CCSER1: variants seen among roughly 807,000 people sequenced by gnomAD.
The protein encoded by CCSER1 is serine-rich coiled-coil domain-containing protein 1.
In CCSER1, 41 loss-of-function variants were observed where a neutral mutation model predicts 82.0. That is an observed-to-expected ratio of 0.50 (90% confidence interval 0.39 to 0.65). The LOEUF (loss-of-function observed/expected upper bound fraction) is 0.65. Ranked by LOEUF, CCSER1 falls within the 30% of genes least tolerant of loss-of-function variation. CCSER1 has a pLI of 0.00. For missense variants in CCSER1, 1,119 were observed against 1,064.2 expected (o/e 1.05, Z -0.72); for synonymous variants, 414 against 383.9 (o/e 1.08, Z -0.92).
chr4:90,742,403 C>T (rs528210479), intron 7 of CCSER1, among the ~76,000 whole-genome samples: 35 of 152,194 alleles, frequency 2.3e-4, no homozygotes, highest in African/African-American at 7.9e-4. Flanking sequence ...TCCAATGTGA[C>T]AATATTAGGA....
chr4:90,718,879 TC>T (rs1742159701), intron 6 of CCSER1, among the ~76,000 whole-genome samples: 1 of 152,190 alleles, frequency 6.6e-6, no homozygotes, highest in Non-Finnish European at 1.5e-5. Context: ...ACTGTTATCA[TC>T]CAACCTCAGC....
chr4:90,967,126 T>C (rs1316999726), intron 9 of CCSER1, among the ~76,000 whole-genome samples: 3 of 151,980 alleles, frequency 2.0e-5, no homozygotes, highest in Admixed American at 1.3e-4. Context: ...TTTCAACAAG[T>C]GTGCCAATAC....
chr4:91,300,161 G>A (rs1744555062), intron 10 of CCSER1, among the ~76,000 whole-genome samples: 1 of 151,790 alleles, frequency 6.6e-6, no homozygotes, highest in South Asian at 2.1e-4. Flanking sequence ...TATCAGGGAG[G>A]CCTGTTATAA....
chr4:90,553,882 G>A (rs887189557), intron 5 of CCSER1, among the ~76,000 whole-genome samples: 1 of 152,150 alleles, frequency 6.6e-6, no homozygotes, highest in Non-Finnish European at 1.5e-5. Flanking sequence ...AAAAAAGACT[G>A]TCTCAAGGAG....
At chr4:90,394,277 T>C (rs565186042) in intron 3 of CCSER1, among the ~76,000 whole-genome samples, 2 of 152,168 alleles carry the variant, frequency 1.3e-5, no homozygotes, top group South Asian at 4.1e-4. Context: ...CTATAAGATA[T>C]ATGAGGAGAG....
intron 8 of CCSER1, among the ~76,000 whole-genome samples, chr4:90,874,103 G>T (rs114117084): frequency 6.6e-6 from 1 of 152,002 alleles, no homozygotes; most frequent in Non-Finnish European, 1.5e-5. Context: ...TAAAAAGTTA[G>T]CTAGGTACCC....
At chr4:90,655,902 G>A (rs983110379) in intron 6 of CCSER1, among the ~76,000 whole-genome samples, 6 of 151,868 alleles carry the variant, frequency 4.0e-5, no homozygotes, top group African/African-American at 1.2e-4. Flanking sequence ...GTATAGGAGA[G>A]TAAAAATCCT....
intron 9 of CCSER1, among the ~76,000 whole-genome samples, chr4:90,940,397 C>T (rs1017557247): frequency 4.6e-5 from 7 of 151,386 alleles, no homozygotes; most frequent in African/African-American, 1.7e-4. Context: ...AACATGTTTA[C>T]ATATCAATAA....
Position 90,308,450 on chromosome 4 carries a change from A to C in CCSER1, c.166A>C (p.Thr56Pro), listed in dbSNP as rs1250993482. The C allele has an allele frequency of 6.2e-7, 1 of 1,613,806 alleles. No individual in the cohort carries two copies. The highest frequency in any genetic ancestry group is 8.5e-7 in the Non-Finnish European group (1 of 1,179,850). The part of the protein sequence containing the change: ...PSSTNSSSGS[T>P]GKRRSIFRTP... ...CAGCACTAACTCAAGCTCAGGTAGC[A>C]CAGGTAAACGGAGGAGCATATTCCG... Residue 56 changes from threonine (T) to proline (P), a missense_variant, in exon 2 of 11, where the codon ACA becomes CCA. Transcript: ENST00000509176.
chr4:90,421,795 TAG>T (rs1301477180), intron 4 of CCSER1, among the ~76,000 whole-genome samples: 1 of 151,964 alleles, frequency 6.6e-6, no homozygotes, highest in East Asian at 1.9e-4. Context: ...TAATGACTCT[TAG>T]GGGTTGAACT....
At chr4:91,409,090 C>G (rs998567445) in intron 10 of CCSER1, among the ~76,000 whole-genome samples, 2 of 152,056 alleles carry the variant, frequency 1.3e-5, no homozygotes, top group Non-Finnish European at 2.9e-5. Context: ...ACATGGCATC[C>G]TCTAGATTTC....
chr4:91,465,620 G>A (rs1211569606), intron 10 of CCSER1, among the ~76,000 whole-genome samples: 1 of 151,860 alleles, frequency 6.6e-6, no homozygotes, highest in Non-Finnish European at 1.5e-5. Flanking sequence ...ACTAGTAAAG[G>A]AGAAAAGAGA....
At chr4:90,747,542 A>G (rs1747700086) in intron 7 of CCSER1, among the ~76,000 whole-genome samples, 1 of 152,138 alleles carries the variant, frequency 6.6e-6, no homozygotes, top group Non-Finnish European at 1.5e-5. Context: ...AGTGTTTAGT[A>G]TGCAGAGTTT....
intron 10 of CCSER1, among the ~76,000 whole-genome samples, chr4:91,369,423 T>C (rs1279305005): frequency 6.6e-6 from 1 of 152,212 alleles, no homozygotes; most frequent in African/African-American, 2.4e-5. Context: ...TTCTCATTTT[T>C]GCAATTTGCA....
At chr4:90,658,936 A>G (rs1346215216) in intron 6 of CCSER1, among the ~76,000 whole-genome samples, 1 of 152,120 alleles carries the variant, frequency 6.6e-6, no homozygotes, top group Non-Finnish European at 1.5e-5. Flanking sequence ...TATTAAAGAG[A>G]TCTCAGTGTA....
At chr4:90,879,627 GGAA>G in intron 8 of CCSER1, among the ~76,000 whole-genome samples, 1 of 123,136 alleles carries the variant, frequency 8.1e-6, no homozygotes, top group East Asian at 2.4e-4. Flanking sequence ...AGGAGGAGGA[GGAA>G]AGAAGAAAGA....
At chr4:90,764,391 G>T (rs921016729) in intron 7 of CCSER1, among the ~76,000 whole-genome samples, 3 of 152,058 alleles carry the variant, frequency 2.0e-5, no homozygotes, top group Admixed American at 2.0e-4. Context: ...ATCAATGCTT[G>T]GTCTTTAAAT....
chr4:91,602,287 T>C lies in CCSER1; in HGVS notation c.*3230T>C, dbSNP rs1013093227. Among the ~76,000 whole-genome samples, 1 of 152,056 alleles carries C rather than the reference T, an allele frequency of 6.6e-6. No homozygotes were observed. Among genetic ancestry groups the C allele is most frequent in the Non-Finnish European group, 1.5e-5 (1 of 67,922 alleles). On this transcript the variant is annotated 3_prime_UTR_variant, in exon 11 of 11. Coordinates refer to ENST00000509176, the MANE Select transcript of CCSER1 (RefSeq NM_001145065.2). ...TGTCATTATTTCCTGAATGTTGAAC[T>C]CCCATTATAGGAAATTCCACATTTT...
chr4:90,805,923 A>G (rs1757438421), intron 7 of CCSER1, among the ~76,000 whole-genome samples: 1 of 152,188 alleles, frequency 6.6e-6, no homozygotes, highest in Admixed American at 6.5e-5. Flanking sequence ...ATCCTTAAAA[A>G]TATGTTCTAG....
Sources: allele counts gnomAD v4.1 joint callset (sites outside exome capture counted in the v4.1 genomes callset), GRCh38; gene constraint gnomAD v4.1.1; transcripts MANE v1.5; gene names NCBI Gene and HGNC (gene_info 2026-07-23, HGNC 2026-07-21).